The following SNTG1 variants were observed in gnomAD, a reference collection of about 807,000 sequenced individuals.
The protein encoded by SNTG1 is syntrophin gamma 1, also known as gamma-1-syntrophin.
SNTG1 carries 39 observed loss-of-function variants against 74.7 expected under a neutral mutation model. The ratio of observed to expected loss-of-function variants is 0.52; its 90% CI spans 0.40 to 0.68. The LOEUF (loss-of-function observed/expected upper bound fraction) is 0.68, where lower values mean the gene tolerates loss of function less well. SNTG1 is among the 30% of genes least tolerant of loss of function. The pLI, the probability that SNTG1 is intolerant of heterozygous loss-of-function variation, is 0.00. For synonymous variants in SNTG1, 254 were observed against 217.1 expected (o/e 1.17, Z -1.49); for missense variants, 685 against 609.5 (o/e 1.12, Z -1.30).
intron 1 of SNTG1, among the ~76,000 whole-genome samples, chr8:50,110,566 G>A (rs1220306508): frequency 2.0e-5 from 3 of 152,150 alleles, no homozygotes; most frequent in Non-Finnish European, 4.4e-5. Context: ...TCCTGCAGAT[G>A]CACAAAGCCT....
At chr8:50,251,590 T>C (rs866176578) in intron 2 of SNTG1, among the ~76,000 whole-genome samples, 1 of 151,716 alleles carries the variant, frequency 6.6e-6, no homozygotes, top group African/African-American at 2.4e-5. Flanking sequence ...TTATATCAGA[T>C]AAAATACATA....
At chr8:50,039,964 T>A (rs1288468322) in intron 1 of SNTG1, among the ~76,000 whole-genome samples, 2 of 152,130 alleles carry the variant, frequency 1.3e-5, no homozygotes, top group African/African-American at 4.8e-5. Context: ...GAGCTCTCTG[T>A]GTGCCTTCGA....
chr8:50,153,090 G>T lies in SNTG1; in HGVS notation c.-102-19471G>T, dbSNP rs1478585939. 2.0e-5 allele frequency among the ~76,000 whole-genome samples: 3 copies of T among 152,126 alleles called. No individual in the cohort carries two copies. In the East Asian group the frequency reaches 5.8e-4, roughly 29 times the overall value. ...TTCACATAGTACCATATTTCTTGGA[G>T]GCCTTGTTCGTTTCTTTTTACTCTT... is the stretch of plus-strand genomic sequence containing the variant. On this transcript the variant is annotated intron_variant, in intron 1 of 18. Transcript: ENST00000642720.
At chr8:49,972,011 A>G (rs1480469642) in intron 1 of SNTG1, among the ~76,000 whole-genome samples, 1 of 152,214 alleles carries the variant, frequency 6.6e-6, no homozygotes, top group Non-Finnish European at 1.5e-5. Context: ...ATTGGAAAAA[A>G]CTACTTTCAA....
chr8:50,641,421 G>C (rs567996347), intron 13 of SNTG1, among the ~76,000 whole-genome samples: 1 of 152,306 alleles, frequency 6.6e-6, no homozygotes, highest in African/African-American at 2.4e-5. Context: ...CGTGCTCCCA[G>C]CTGTTGCTGT....
intron 15 of SNTG1, among the ~76,000 whole-genome samples, chr8:50,684,270 A>G (rs1008778122): frequency 6.6e-6 from 1 of 152,312 alleles, no homozygotes; most frequent in Non-Finnish European, 1.5e-5. Flanking sequence ...AACGTTTTTT[A>G]TTATGATACA....
intron 2 of SNTG1, among the ~76,000 whole-genome samples, chr8:50,304,324 A>G (rs573676455): frequency 6.6e-5 from 10 of 152,338 alleles, no homozygotes; most frequent in African/African-American, 2.2e-4. Flanking sequence ...GCTGTGAGCC[A>G]AACAAACTTC....
intron 8 of SNTG1, among the ~76,000 whole-genome samples, chr8:50,487,610 T>G (rs2093808811): frequency 6.6e-6 from 1 of 150,680 alleles, no homozygotes; most frequent in Non-Finnish European, 1.5e-5. Flanking sequence ...CACTGCATAT[T>G]CTCACTCGTA....
At chr8:50,241,039 G>A (rs2086141926) in intron 2 of SNTG1, among the ~76,000 whole-genome samples, 1 of 152,116 alleles carries the variant, frequency 6.6e-6, no homozygotes, top group Non-Finnish European at 1.5e-5. Context: ...GAGTTTATGA[G>A]GTCATAGGAT....
intron 17 of SNTG1, among the ~76,000 whole-genome samples, chr8:50,715,919 C>T (rs1189300753): frequency 6.6e-6 from 1 of 152,148 alleles, no homozygotes; most frequent in African/African-American, 2.4e-5. Context: ...TCTTTCTAAT[C>T]CACTTAATCC....
intron 1 of SNTG1, among the ~76,000 whole-genome samples, chr8:49,994,047 T>C (rs556813099): frequency 6.6e-6 from 1 of 152,260 alleles, no homozygotes; most frequent in East Asian, 1.9e-4. Flanking sequence ...CTGTAGTTTA[T>C]TGAATTTTAC....
intron 1 of SNTG1, among the ~76,000 whole-genome samples, chr8:49,928,747 T>C (rs1807281882): frequency 6.6e-6 from 1 of 152,086 alleles, no homozygotes; most frequent in African/African-American, 2.4e-5. Context: ...AGAAATACTT[T>C]TCCCCAGTGC....
chr8:50,173,461 A>G (rs771207129), intron 2 of SNTG1, among the ~76,000 whole-genome samples: 1 of 152,196 alleles, frequency 6.6e-6, no homozygotes, highest in Non-Finnish European at 1.5e-5. Flanking sequence ...AATGAGTGCC[A>G]GTACTGAAAA....
At chr8:50,656,851 A>G in intron 13 of SNTG1, 58 bp from the exon 14 acceptor site, 1 of 1,069,556 alleles carries the variant, frequency 9.3e-7, no homozygotes, top group South Asian at 1.4e-5. Context: ...ATATTTTTAG[A>G]TATAAGATAT....
At chr8:50,617,613 G>A (rs534114126) in intron 13 of SNTG1, among the ~76,000 whole-genome samples, 6 of 152,254 alleles carry the variant, frequency 3.9e-5, no homozygotes, top group South Asian at 4.1e-4. Context: ...CTGGGGCATC[G>A]GCAAGACTCC....
intron 1 of SNTG1, among the ~76,000 whole-genome samples, chr8:50,036,639 A>G (rs187954029): frequency 6.6e-6 from 1 of 152,230 alleles, no homozygotes; most frequent in Non-Finnish European, 1.5e-5. Flanking sequence ...TGTCTAGTCC[A>G]TGTAAACAGA....
At chr8:49,918,574 T>C (rs1472077586) in intron 1 of SNTG1, among the ~76,000 whole-genome samples, 1 of 152,070 alleles carries the variant, frequency 6.6e-6, no homozygotes, top group Non-Finnish European at 1.5e-5. Context: ...TAACACACTC[T>C]ATAGAATATT....
chr8:50,179,849 G>A (rs926204549), intron 2 of SNTG1, among the ~76,000 whole-genome samples: 1 of 152,138 alleles, frequency 6.6e-6, no homozygotes, highest in African/African-American at 2.4e-5. Context: ...AATTGGAACA[G>A]CTATTGTGAA....
intron 2 of SNTG1, among the ~76,000 whole-genome samples, chr8:50,304,718 C>T (rs1229191015): frequency 6.6e-6 from 1 of 152,088 alleles, no homozygotes; most frequent in African/African-American, 2.4e-5. Context: ...ATTGTCTGAG[C>T]AGATAGCTTT....
Sources: gnomAD v4.1 joint callset for allele counts (sites outside exome capture counted in the v4.1 genomes callset) on GRCh38, gnomAD v4.1.1 for gene constraint, MANE v1.5 for transcripts, NCBI Gene and HGNC (gene_info 2026-07-23, HGNC 2026-07-21) for gene names.